The following CPNE4 variants were observed in gnomAD, a reference collection of about 807,000 sequenced individuals.
The protein encoded by CPNE4 is copine-4.
Under a neutral mutation model 67.9 loss-of-function variants are expected in CPNE4, and 25 were observed. The ratio of observed to expected loss-of-function variants is 0.37; its 90% CI spans 0.27 to 0.51. The LOEUF (loss-of-function observed/expected upper bound fraction) is 0.51, where lower values mean the gene tolerates loss of function less well. CPNE4 is among the 20% of genes least tolerant of loss of function. The pLI, the probability that CPNE4 is intolerant of heterozygous loss-of-function variation, is 0.93. For missense variants in CPNE4, 464 were observed against 690.8 expected (o/e 0.67, Z 3.68); for synonymous variants, 242 against 244.9 (o/e 0.99, Z 0.11).
At chr3:131,833,376 G>A (rs1267022158) in intron 2 of CPNE4, among the ~76,000 whole-genome samples, 1 of 152,162 alleles carries the variant, frequency 6.6e-6, no homozygotes, top group African/African-American at 2.4e-5. Context: ...TCAGAAGAGG[G>A]CTGGCCCAAA....
chr3:131,537,108 A>G (rs942918489), intron 15 of CPNE4, among the ~76,000 whole-genome samples: 32 of 152,164 alleles, frequency 2.1e-4, no homozygotes, highest in Non-Finnish European at 8.8e-5. Flanking sequence ...AATTTCAGAT[A>G]ATTAAAAATC....
At chr3:131,701,587 G>T (rs1452705916) in intron 3 of CPNE4, among the ~76,000 whole-genome samples, 1 of 152,170 alleles carries the variant, frequency 6.6e-6, no homozygotes, top group Non-Finnish European at 1.5e-5. Flanking sequence ...CTGACAGATT[G>T]TGAGTAGTCC....
chr3:131,900,239 A>G (rs2088498528), intron 2 of CPNE4, among the ~76,000 whole-genome samples: 1 of 142,086 alleles, frequency 7.0e-6, no homozygotes, highest in South Asian at 2.2e-4. Context: ...GCATATGAAA[A>G]GGTGCTCAAC....
At chr3:132,031,614 T>C (rs2074237238) in intron 1 of CPNE4, among the ~76,000 whole-genome samples, 2 of 152,186 alleles carry the variant, frequency 1.3e-5, no homozygotes, top group Non-Finnish European at 2.9e-5. Flanking sequence ...TCATCTTCAA[T>C]AAGTTCATCT....
At chr3:131,631,671 A>G (rs574166997) in intron 7 of CPNE4, among the ~76,000 whole-genome samples, 2 of 152,266 alleles carry the variant, frequency 1.3e-5, no homozygotes, top group South Asian at 4.1e-4. Flanking sequence ...GTGTATTTTA[A>G]TGAGAGAATT....
At chr3:132,029,694 T>TC (rs1305589923) in intron 1 of CPNE4, among the ~76,000 whole-genome samples, 2 of 152,162 alleles carry the variant, frequency 1.3e-5, no homozygotes, top group Non-Finnish European at 2.9e-5. Context: ...TACTGTATTT[T>TC]CCCCCTGACA....
intron 1 of CPNE4, among the ~76,000 whole-genome samples, chr3:131,980,649 T>C (rs6794621): frequency 0.11 from 16,569 of 152,160 alleles, 2,990 homozygotes; most frequent in African/African-American, 0.37. Context: ...CTGTCTCTGG[T>C]CCCTCCCTGA....
At chr3:131,922,047 T>C (rs1428760419) in intron 1 of CPNE4, among the ~76,000 whole-genome samples, 2 of 152,196 alleles carry the variant, frequency 1.3e-5, no homozygotes, top group African/African-American at 2.4e-5. Context: ...ATTCTGAGCA[T>C]AGTACTTAAT....
At chr3:131,788,398 A>G (rs1051269307) in intron 2 of CPNE4, among the ~76,000 whole-genome samples, 4 of 152,210 alleles carry the variant, frequency 2.6e-5, no homozygotes, top group African/African-American at 7.2e-5. Flanking sequence ...GATGAAGAGC[A>G]TAACAGAAAA....
chr3:131,825,033 G>A (rs2085098383), intron 2 of CPNE4, among the ~76,000 whole-genome samples: 1 of 152,094 alleles, frequency 6.6e-6, no homozygotes, highest in Non-Finnish European at 1.5e-5. Context: ...ACCCTTTGAA[G>A]GACCTAAGAG....
At chr3:131,629,034 T>G (rs535992673) in intron 7 of CPNE4, among the ~76,000 whole-genome samples, 1 of 152,346 alleles carries the variant, frequency 6.6e-6, no homozygotes, top group East Asian at 1.9e-4. Context: ...CTTGTGGGCA[T>G]GTAGTGCTAT....
intron 7 of CPNE4, among the ~76,000 whole-genome samples, chr3:131,621,968 G>A (rs896211741): frequency 4.9e-5 from 7 of 142,698 alleles, no homozygotes; most frequent in South Asian, 2.2e-4. Context: ...GCAGGGAGCC[G>A]AGATTGTGCC....
At chr3:131,833,267 A>C (rs1197886206) in intron 2 of CPNE4, among the ~76,000 whole-genome samples, 2 of 152,352 alleles carry the variant, frequency 1.3e-5, no homozygotes, top group East Asian at 3.9e-4. Flanking sequence ...AAGCCCAGCC[A>C]GTTTTGAATG....
intron 1 of CPNE4, among the ~76,000 whole-genome samples, chr3:132,031,381 A>G (rs2074230995): frequency 6.6e-6 from 1 of 152,236 alleles, no homozygotes; most frequent in South Asian, 2.1e-4. Flanking sequence ...AATATGGAAC[A>G]CAAATTTAGC....
At chr3:131,831,629 C>T (rs545584937) in intron 2 of CPNE4, among the ~76,000 whole-genome samples, 18 of 152,182 alleles carry the variant, frequency 1.2e-4, no homozygotes, top group African/African-American at 1.7e-4. Flanking sequence ...CAGAAACATA[C>T]GCTGTAATAT....
chr3:131,998,512 C>T (rs1219832103), intron 1 of CPNE4, among the ~76,000 whole-genome samples: 1 of 152,054 alleles, frequency 6.6e-6, no homozygotes, highest in Non-Finnish European at 1.5e-5. Flanking sequence ...GCTGCGAATC[C>T]CCAGCTGTGA....
At chr3:131,984,764 T>C (rs1163330733) in intron 1 of CPNE4, among the ~76,000 whole-genome samples, 1 of 152,108 alleles carries the variant, frequency 6.6e-6, no homozygotes, top group Non-Finnish European at 1.5e-5. Flanking sequence ...CTGATAGGAG[T>C]TGGTAGATTA....
At chr3:131,899,244 G>C (rs2088458593) in intron 2 of CPNE4, among the ~76,000 whole-genome samples, 1 of 152,084 alleles carries the variant, frequency 6.6e-6, no homozygotes, top group African/African-American at 2.4e-5. Context: ...AAGCAGGCTG[G>C]CTAGCAGGAG....
chr3:131,973,093 G>A (rs2072547155), intron 1 of CPNE4, among the ~76,000 whole-genome samples: 1 of 152,116 alleles, frequency 6.6e-6, no homozygotes, highest in Admixed American at 6.6e-5. Flanking sequence ...ACAGCAGAGT[G>A]GGATTTAGCA....
Sources: gnomAD v4.1 joint callset for allele counts (sites outside exome capture counted in the v4.1 genomes callset) on GRCh38, gnomAD v4.1.1 for gene constraint, MANE v1.5 for transcripts, NCBI Gene and HGNC (gene_info 2026-07-23, HGNC 2026-07-21) for gene names.